GRID1: variants seen among roughly 807,000 people sequenced by gnomAD.
The protein encoded by GRID1 is glutamate ionotropic receptor delta type subunit 1.
GRID1 carries 28 observed loss-of-function variants against 98.0 expected under a neutral mutation model. That is an observed-to-expected ratio of 0.29 (90% CI 0.21 to 0.39). The LOEUF is 0.39. Ranked by LOEUF, GRID1 falls within the 10% of genes least tolerant of loss-of-function variation. The pLI, the probability that GRID1 is intolerant of heterozygous loss-of-function variation, is 1.00. For missense variants in GRID1, 1,111 were observed against 1,340.5 expected, an observed-to-expected ratio of 0.83 and a Z score of 2.67; for synonymous variants, 553 against 538.5, an observed-to-expected ratio of 1.03 and a Z score of -0.37.
rs201164587 is a variant in GRID1 at position 85,866,303 on chromosome 10, CAA to C, written c.951+2705_951+2706del. Among the ~76,000 whole-genome samples, 325 of 65,380 alleles carry C rather than the reference CAA, an allele frequency of 5.0e-3. 2 individuals are homozygous for C. Among genetic ancestry groups the C allele is most frequent in the African/African-American group, 0.017 (294 of 17,342 alleles). 42.9% of individuals were successfully genotyped at this position (65,380 alleles called of 152,430 possible). A position where few individuals can be genotyped will look rare whatever the true frequency, so the allele number is the denominator to read the frequency against. ...TGGAGATAGGTAGACTAAATCACAC[CAA>C]AAAAAAAAAAAAAAAAAAGGCTATG... On this transcript the variant is annotated intron_variant, in intron 6 of 15. Transcript: ENST00000327946.
chr10:85,817,745 A>G lies in GRID1; in HGVS notation c.1233+36751T>C, dbSNP rs183858411. On this transcript the variant is annotated intron_variant, in intron 8 of 15. Transcript: ENST00000327946. ...CATCTCTACTAAAAATACAAAAATT[A>G]GCCAGGAGTGTGGCATGTGCCTGTA... 2.6e-5 allele frequency among the ~76,000 whole-genome samples: 4 copies of G among 152,190 alleles called. No individual in the cohort carries two copies. In the East Asian group the frequency reaches 5.8e-4, roughly 22 times the overall value.
intron 5 of GRID1, among the ~76,000 whole-genome samples, chr10:85,876,989 G>A (rs1167373669): frequency 1.3e-5 from 2 of 152,220 alleles, no homozygotes; most frequent in Non-Finnish European, 2.9e-5. Flanking sequence ...CTACGCCCAC[G>A]GAGTCTCGCT....
intron 2 of GRID1, among the ~76,000 whole-genome samples, chr10:86,341,724 C>T (rs1848313810): frequency 6.6e-6 from 1 of 152,222 alleles, no homozygotes; most frequent in Non-Finnish European, 1.5e-5. Flanking sequence ...AGACGCACAG[C>T]TCTGCCCCTC....
intron 5 of GRID1, among the ~76,000 whole-genome samples, chr10:85,909,738 G>T (rs1196134257): frequency 6.6e-6 from 1 of 152,168 alleles, no homozygotes; most frequent in African/African-American, 2.4e-5. Context: ...ATCAGTAGTT[G>T]CCTAGAGAGT....
At chr10:85,705,883 C>T (rs1322332079) in intron 12 of GRID1, among the ~76,000 whole-genome samples, 1 of 152,126 alleles carries the variant, frequency 6.6e-6, no homozygotes, top group Non-Finnish European at 1.5e-5. Flanking sequence ...CCAATAGATG[C>T]AGAAAAGGCC....
In GRID1 at chr10:86,069,913, A is replaced by C. The variant is rs532031690; in HGVS notation, c.726+68906T>G. Among the ~76,000 whole-genome samples the C allele has an allele frequency of 2.0e-5, 3 of 152,196 alleles. No individual in the cohort carries two copies. The East Asian group carries it at 5.8e-4, about 30-fold the overall frequency. On this transcript the variant is annotated intron_variant, in intron 4 of 15. Coordinates refer to ENST00000327946, the MANE Select transcript of GRID1 (RefSeq NM_017551.3). ...AAGTGAGTGGTGCATGGGTGAGGGG[A>C]GAGGGGCCACTCACTCTTGGCCATG...
intron 2 of GRID1, among the ~76,000 whole-genome samples, chr10:86,236,110 T>C (rs897431838): frequency 1.3e-5 from 2 of 152,228 alleles, no homozygotes; most frequent in Non-Finnish European, 1.5e-5. Context: ...GGTATCTGAT[T>C]ATGTTTTGAT....
At chr10:85,821,204 C>T (rs1382088273) in intron 8 of GRID1, among the ~76,000 whole-genome samples, 2 of 151,382 alleles carry the variant, frequency 1.3e-5, no homozygotes, top group South Asian at 2.1e-4. Flanking sequence ...ATAGGAAACA[C>T]CAAATAAACC....
At chr10:86,152,791 A>T (rs1477566845) in intron 3 of GRID1, among the ~76,000 whole-genome samples, 1 of 152,224 alleles carries the variant, frequency 6.6e-6, no homozygotes, top group African/African-American at 2.4e-5. Context: ...TGCTCGGAAC[A>T]GCAGCCCATC....
chr10:85,946,547 T>C (rs566005276), intron 4 of GRID1, among the ~76,000 whole-genome samples: 11 of 152,312 alleles, frequency 7.2e-5, no homozygotes, highest in East Asian at 5.8e-4. Flanking sequence ...GAAAATACTT[T>C]TGATGCCATG....
At chr10:85,772,042 C>T (rs959469406) in intron 8 of GRID1, among the ~76,000 whole-genome samples, 2 of 152,174 alleles carry the variant, frequency 1.3e-5, no homozygotes, top group Non-Finnish European at 2.9e-5. Context: ...CCACACCACA[C>T]CTATTCCAAA....
intron 3 of GRID1, among the ~76,000 whole-genome samples, chr10:86,180,554 G>C (rs900496516): frequency 6.6e-6 from 1 of 152,034 alleles, no homozygotes; most frequent in African/African-American, 2.4e-5. Flanking sequence ...TGTGCTCCCT[G>C]TCCCAAGCTG....
intron 2 of GRID1, among the ~76,000 whole-genome samples, chr10:86,320,052 G>A (rs1247978529): frequency 6.6e-6 from 1 of 152,232 alleles, no homozygotes; most frequent in Non-Finnish European, 1.5e-5. Context: ...GCCCAATGTG[G>A]CAATACATCT....
At chr10:85,857,879 C>T (rs1394566383) in intron 6 of GRID1, among the ~76,000 whole-genome samples, 1 of 152,166 alleles carries the variant, frequency 6.6e-6, no homozygotes, top group Non-Finnish European at 1.5e-5. Context: ...TGTTCTCTGC[C>T]TGCAATTTAC....
intron 8 of GRID1, among the ~76,000 whole-genome samples, chr10:85,812,477 C>T (rs950222956): frequency 2.4e-4 from 36 of 152,050 alleles, no homozygotes; most frequent in African/African-American, 8.2e-4. Context: ...TGTATAGTGG[C>T]TGTAAAAGCC....
chr10:86,184,805 T>C (rs1297623068), intron 3 of GRID1, among the ~76,000 whole-genome samples: 1 of 152,194 alleles, frequency 6.6e-6, no homozygotes, highest in South Asian at 2.1e-4. Flanking sequence ...TTAGAAACAC[T>C]GCAGTATAGA....
chr10:85,819,967 GAGGAAGGA>G (rs544578610), intron 8 of GRID1, among the ~76,000 whole-genome samples: 2,798 of 88,288 alleles, frequency 0.032, 114 homozygotes, highest in Admixed American at 0.058. Context: ...GAGAAAGAGA[GAGGAAGGA>G]AGGAAGGAAG....
chr10:86,016,397 T>G (rs527739608), intron 4 of GRID1, among the ~76,000 whole-genome samples: 2 of 152,154 alleles, frequency 1.3e-5, no homozygotes, highest in South Asian at 4.2e-4. Context: ...GTAGCAGCAA[T>G]CTCTCTTTCT....
intron 4 of GRID1, among the ~76,000 whole-genome samples, chr10:86,066,296 T>G (rs762769486): frequency 5.9e-5 from 9 of 152,106 alleles, no homozygotes; most frequent in Non-Finnish European, 1.2e-4. Context: ...ACTGCACACA[T>G]CCCACAAGCT....
Sources: gnomAD v4.1 joint callset for allele counts (sites outside exome capture counted in the v4.1 genomes callset) on GRCh38, gnomAD v4.1.1 for gene constraint, MANE v1.5 for transcripts, NCBI Gene and HGNC (gene_info 2026-07-23, HGNC 2026-07-21) for gene names.